The following COL26A1 variants were observed in gnomAD, a reference collection of about 807,000 sequenced individuals.
COL26A1 encodes the protein collagen type XXVI alpha 1 chain.
Under a neutral mutation model 59.3 loss-of-function variants are expected in COL26A1, and 41 were observed. That is an observed-to-expected ratio of 0.69 (90% CI 0.54 to 0.90). The LOEUF is 0.90. COL26A1 is among the 40% of genes least tolerant of loss of function. The pLI is 0.00. For synonymous variants in COL26A1, 266 were observed against 256.0 expected (o/e 1.04, Z -0.37); for missense variants, 612 against 602.3 (o/e 1.02, Z -0.17).
chr7:101,461,348 G>A (rs2130426682), intron 3 of COL26A1, among the ~76,000 whole-genome samples: 1 of 150,602 alleles, frequency 6.6e-6, no homozygotes, highest in East Asian at 1.9e-4. Context: ...GTGCAGGCTG[G>A]TGTGTAATGA....
At chr7:101,455,503 C>CTTTTTTTTTTT (rs10690062) in intron 3 of COL26A1, among the ~76,000 whole-genome samples, 5 of 116,568 alleles carry the variant, frequency 4.3e-5, no homozygotes, top group African/African-American at 1.0e-4. Flanking sequence ...CTTTTCTTTT[C>CTTTTTTTTTTT]TTTTTTTTTT....
intron 1 of COL26A1, among the ~76,000 whole-genome samples, chr7:101,399,358 T>G (rs1791938082): frequency 6.6e-6 from 1 of 152,116 alleles, no homozygotes; most frequent in African/African-American, 2.4e-5. Flanking sequence ...TCCCTTTGTC[T>G]CTCTCTTCTT....
intron 3 of COL26A1, among the ~76,000 whole-genome samples, chr7:101,480,162 T>C (rs4546593): frequency 0.24 from 36,224 of 152,018 alleles, 4,953 homozygotes; most frequent in Non-Finnish European, 0.31. Context: ...GATAATATCC[T>C]CATTCTCTCA....
At chr7:101,464,447 T>C (rs1331804761) in intron 3 of COL26A1, among the ~76,000 whole-genome samples, 3 of 151,438 alleles carry the variant, frequency 2.0e-5, no homozygotes, top group African/African-American at 4.9e-5. Context: ...AGTTTTGCTC[T>C]TGTTGCCCAG....
chr7:101,487,140 G>C (rs1794286269), intron 3 of COL26A1, among the ~76,000 whole-genome samples: 1 of 152,178 alleles, frequency 6.6e-6, no homozygotes, highest in Non-Finnish European at 1.5e-5. Context: ...GGAACCGGCA[G>C]CACCAGTGTT....
chr7:101,476,675 G>C (rs1434754620), intron 3 of COL26A1, among the ~76,000 whole-genome samples: 3 of 151,396 alleles, frequency 2.0e-5, no homozygotes, highest in Non-Finnish European at 4.4e-5. Flanking sequence ...AGCCTCCCGA[G>C]TACCTGGGAC....
At chr7:101,554,693 A>G (rs1795930425) in intron 11 of COL26A1, among the ~76,000 whole-genome samples, 1 of 151,850 alleles carries the variant, frequency 6.6e-6, no homozygotes, top group Non-Finnish European at 1.5e-5. Context: ...GCAGTGAACT[A>G]CAATCGTGCC....
chr7:101,410,767 AG>A lies in COL26A1; in HGVS notation c.159-9209del, dbSNP rs565476698. 1.1e-4 allele frequency among the ~76,000 whole-genome samples: 16 copies of A among 152,032 alleles called. No individual in the cohort carries two copies. The South Asian group carries it at 3.3e-3, about 32-fold the overall frequency. On this transcript the variant is annotated intron_variant, in intron 1 of 12. Coordinates refer to ENST00000313669, the MANE Select transcript of COL26A1 (RefSeq NM_001278563.3). ...GGCTGGAGTGGAATGTCACGATCTCAGTTCATTACAACCTCTGCCTCCTAGG... is the reference window on the plus strand; with the variant it reads ...GGCTGGAGTGGAATGTCACGATCTCATTCATTACAACCTCTGCCTCCTAGG...
chr7:101,456,171 T>TATA (rs1554414303), intron 3 of COL26A1, among the ~76,000 whole-genome samples: 1 of 115,422 alleles, frequency 8.7e-6, no homozygotes, highest in Non-Finnish European at 1.8e-5. Flanking sequence ...TATATATATT[T>TATA]TTTTTTTAAT....
intron 1 of COL26A1, among the ~76,000 whole-genome samples, chr7:101,363,541 GGCGGGGGTTGGGGGCTGCAGA>G (rs1790958081): frequency 7.2e-6 from 1 of 138,394 alleles, no homozygotes; most frequent in East Asian, 2.3e-4. Flanking sequence ...GGCGCGGGGC[GGCGGGGGTTGGGGGCTGCAGA>G]CGGGGCAGCT....
chr7:101,437,519 A>G (rs754941010), intron 2 of COL26A1, among the ~76,000 whole-genome samples: 1 of 152,038 alleles, frequency 6.6e-6, no homozygotes, highest in African/African-American at 2.4e-5. Flanking sequence ...CAAGGTATAC[A>G]GTAGCCAGAT....
chr7:101,544,035 C>A lies in COL26A1; in HGVS notation c.642C>A (p.Gly214=), dbSNP rs377572973. 9 of 1,594,280 alleles carry A rather than the reference C, an allele frequency of 5.6e-6. No homozygotes were observed. The highest frequency in any genetic ancestry group is 3.4e-5 in the South Asian group (3 of 87,746). The change falls in exon 6 of 13, where the codon GGC becomes GGA. Residue 214 remains glycine (G), a synonymous_variant. Transcript: ENST00000313669. ...AGACAGGACCACCAGGGCCTGCAGG[C>A]CCCCCCGGGTCTAAAGGTGACCGAG... ...PGQTGPPGPA[G]PPGSKGDRGQ...
intron 3 of COL26A1, among the ~76,000 whole-genome samples, chr7:101,510,898 CT>C (rs908747824): frequency 7.2e-4 from 94 of 130,926 alleles, no homozygotes; most frequent in Middle Eastern, 4.0e-3. Context: ...TTCTTTCTTT[CT>C]TTTTTTTTTT....
intron 2 of COL26A1, among the ~76,000 whole-genome samples, chr7:101,446,379 C>G (rs185419033): frequency 3.7e-4 from 57 of 152,302 alleles, no homozygotes; most frequent in Non-Finnish European, 7.1e-4. Flanking sequence ...ATTTGTCTTT[C>G]TGTGCCTGGG....
chr7:101,483,890 G>A (rs1179018811), intron 3 of COL26A1, among the ~76,000 whole-genome samples: 1 of 151,916 alleles, frequency 6.6e-6, no homozygotes, highest in Non-Finnish European at 1.5e-5. Context: ...TGGCCAGGCT[G>A]GGCTCAAACT....
chr7:101,363,309 TGGG>T (rs1232109138), intron 1 of COL26A1, 119 bp downstream of exon 1: 1 of 477,004 alleles, frequency 2.1e-6, no homozygotes. Context: ...ATCCGGGACT[TGGG>T]GGCGCAGGGC....
At chr7:101,517,962 C>T (rs1795065895) in intron 3 of COL26A1, among the ~76,000 whole-genome samples, 1 of 151,784 alleles carries the variant, frequency 6.6e-6, no homozygotes, top group African/African-American at 2.4e-5. Context: ...TACAGGCATG[C>T]ACCACCCAGG....
At chr7:101,532,656 T>A (rs1036732099) in intron 3 of COL26A1, among the ~76,000 whole-genome samples, 1 of 152,170 alleles carries the variant, frequency 6.6e-6, no homozygotes, top group African/African-American at 2.4e-5. Flanking sequence ...ACCCTGTGTC[T>A]ATTAGCCCAA....
intron 3 of COL26A1, among the ~76,000 whole-genome samples, chr7:101,449,260 G>C (rs1019798570): frequency 6.6e-6 from 1 of 152,220 alleles, no homozygotes; most frequent in Admixed American, 6.5e-5. Context: ...ACAGCTCACA[G>C]GTCCCTCATG....
Sources: gnomAD v4.1 joint callset for allele counts (sites outside exome capture counted in the v4.1 genomes callset) on GRCh38, gnomAD v4.1.1 for gene constraint, MANE v1.5 for transcripts, NCBI Gene and HGNC (gene_info 2026-07-23, HGNC 2026-07-21) for gene names.